CDH17: variants seen among roughly 807,000 people sequenced by gnomAD.
The protein encoded by CDH17 is cadherin 17.
Under a neutral mutation model 86.3 loss-of-function variants are expected in CDH17, and 67 were observed. The observed-to-expected ratio is 0.78, with a 90% confidence interval of 0.64 to 0.95. The LOEUF (loss-of-function observed/expected upper bound fraction) is 0.95, where lower values mean the gene tolerates loss of function less well. CDH17 is among the 40% of genes least tolerant of loss of function. The probability of loss-of-function intolerance (pLI) is 0.00; values close to 1 mark genes in which losing one functional copy is unlikely to be tolerated. For missense variants in CDH17, 993 were observed against 1,017.6 expected, an observed-to-expected ratio of 0.98 and a Z score of 0.33; for synonymous variants, 367 against 366.4, an observed-to-expected ratio of 1.00 and a Z score of -0.02.
Position 94,128,126 on chromosome 8 carries a change from A to G in CDH17, c.*114T>C. Reference sequence around the variant, plus strand: ...AATATTTAGCAAATATTAAAGGACAAGAGGGAATATCTGTTTAAAAAATTA... The same window carrying G: ...AATATTTAGCAAATATTAAAGGACAGGAGGGAATATCTGTTTAAAAAATTA... On this transcript the variant is annotated 3_prime_UTR_variant, in exon 18 of 18. Transcript: ENST00000027335. The G allele has an allele frequency of 1.4e-6, 1 of 700,774 alleles. No homozygotes were observed. 43.4% of individuals were successfully genotyped at this position (700,774 alleles called of 1,614,324 possible).
intron 10 of CDH17, among the ~76,000 whole-genome samples, chr8:94,164,993 C>T (rs1813125293): frequency 6.6e-6 from 1 of 152,218 alleles, no homozygotes; most frequent in South Asian, 2.1e-4. Flanking sequence ...AAACGGCCAA[C>T]TAGAAGCTGT....
intron 8 of CDH17, 93 bp downstream of exon 8, chr8:94,170,761 T>A: frequency 6.8e-7 from 1 of 1,474,404 alleles, no homozygotes; most frequent in Non-Finnish European, 9.1e-7. Flanking sequence ...TGTGTGTTTT[T>A]TTTTTCTTTA....
At chr8:94,156,140 A>T (rs961674694) in intron 12 of CDH17, among the ~76,000 whole-genome samples, 1 of 152,152 alleles carries the variant, frequency 6.6e-6, no homozygotes, top group African/African-American at 2.4e-5. Flanking sequence ...TGCTCATACC[A>T]CGATTCCTTT....
chr8:94,139,908 A>G (rs1480613741), intron 15 of CDH17, among the ~76,000 whole-genome samples: 1 of 151,810 alleles, frequency 6.6e-6, no homozygotes, highest in East Asian at 1.9e-4. Flanking sequence ...ATAAATAAAA[A>G]AAAAGGGGGG....
At chr8:94,155,125 G>A (rs758016539) in intron 12 of CDH17, among the ~76,000 whole-genome samples, 1 of 152,072 alleles carries the variant, frequency 6.6e-6, no homozygotes, top group Non-Finnish European at 1.5e-5. Flanking sequence ...ATGTAAGCCA[G>A]CTAAGTGTGA....
chr8:94,146,157 G>T lies in CDH17; in HGVS notation c.1938C>A (p.Ser646=). Residue 646 remains serine, a synonymous_variant, in exon 15 of 18, where the codon TCC becomes TCA. Transcript: ENST00000027335. The part of the protein sequence containing the change: ...QVVATEVGGS[S]LSSVSEFHLI... ...GGTGGAACTCTGACACAGAGCTCAA[G>T]GAAGACCCCCCTAAGGAATTGAATG... 6.4e-7 allele frequency: 1 copy of T among 1,551,950 alleles called. No individual in the cohort carries two copies. The highest frequency in any genetic ancestry group is 8.7e-7 in the Non-Finnish European group (1 of 1,149,642).
intron 1 of CDH17, among the ~76,000 whole-genome samples, chr8:94,203,479 G>A (rs2129646365): frequency 6.6e-6 from 1 of 152,256 alleles, no homozygotes. Flanking sequence ...ATATTGCTAA[G>A]AGCGGCATAA....
intron 1 of CDH17, among the ~76,000 whole-genome samples, chr8:94,214,633 GA>G (rs573435891): frequency 1.3e-5 from 2 of 148,372 alleles, no homozygotes; most frequent in Non-Finnish European, 3.0e-5. Context: ...AATAACAATA[GA>G]AAAAAAAACA....
chr8:94,194,952 T>G (rs1185244558), intron 1 of CDH17, among the ~76,000 whole-genome samples: 3 of 152,222 alleles, frequency 2.0e-5, no homozygotes, highest in Non-Finnish European at 4.4e-5. Flanking sequence ...ACTGCTTTGC[T>G]TTGTTATGAT....
intron 1 of CDH17, among the ~76,000 whole-genome samples, chr8:94,207,806 T>C (rs1814058400): frequency 6.6e-6 from 1 of 152,118 alleles, no homozygotes. Context: ...ACCAATAAGC[T>C]GTGTGTGGCT....
intron 3 of CDH17, among the ~76,000 whole-genome samples, chr8:94,185,316 CCT>C (rs1813559929): frequency 6.7e-6 from 1 of 150,178 alleles, no homozygotes; most frequent in Non-Finnish European, 1.5e-5. Context: ...CACACACACC[CCT>C]GTAAAGAAGA....
intron 1 of CDH17, among the ~76,000 whole-genome samples, chr8:94,216,068 C>T (rs2129685333): frequency 6.6e-6 from 1 of 152,268 alleles, no homozygotes; most frequent in East Asian, 1.9e-4. Flanking sequence ...AAACTTGACT[C>T]AACTGCCTGC....
chr8:94,208,327 G>A (rs966662326), intron 1 of CDH17, among the ~76,000 whole-genome samples, 156 bp downstream of exon 1: 1 of 152,122 alleles, frequency 6.6e-6, no homozygotes, highest in Non-Finnish European at 1.5e-5. Flanking sequence ...AGCAAAACTT[G>A]TCATGCCAGC....
chr8:94,164,634 G>A (rs976660825), intron 10 of CDH17, among the ~76,000 whole-genome samples: 1 of 152,150 alleles, frequency 6.6e-6, no homozygotes, highest in African/African-American at 2.4e-5. Flanking sequence ...CAATATCCCT[G>A]TAAAGGACAG....
chr8:94,185,310 CACA>C (rs1244177547), intron 3 of CDH17, among the ~76,000 whole-genome samples: 20 of 146,832 alleles, frequency 1.4e-4, no homozygotes, highest in African/African-American at 3.5e-4. Flanking sequence ...CACACACACA[CACA>C]CCCCTGTAAA....
At chr8:94,189,942 G>A (rs1206515373) in intron 2 of CDH17, among the ~76,000 whole-genome samples, 2 of 152,146 alleles carry the variant, frequency 1.3e-5, no homozygotes, top group South Asian at 2.1e-4. Flanking sequence ...TTTACTTTAA[G>A]CAGTAGCCCC....
chr8:94,189,326 T>C, intron 2 of CDH17, 41 bp from the exon 3 acceptor site: 5 of 1,406,604 alleles, frequency 3.6e-6, no homozygotes, highest in Non-Finnish European at 5.0e-6. Flanking sequence ...TTGTATGAAG[T>C]GTCTGTGTCA....
intron 1 of CDH17, among the ~76,000 whole-genome samples, chr8:94,199,064 TATATATATATATATA>T (rs1813846650): frequency 7.3e-5 from 2 of 27,494 alleles, no homozygotes; most frequent in Admixed American, 3.0e-4. Flanking sequence ...TATATATATA[TATATATATATATATA>T]TATATTTTTT....
intron 4 of CDH17, 69 bp downstream of exon 4, chr8:94,177,518 G>C: frequency 1.3e-6 from 2 of 1,524,856 alleles, no homozygotes; most frequent in Non-Finnish European, 1.8e-6. Flanking sequence ...GAAGGTGCCA[G>C]CCATACTTCC....
Sources: allele counts gnomAD v4.1 joint callset (sites outside exome capture counted in the v4.1 genomes callset), GRCh38; gene constraint gnomAD v4.1.1; transcripts MANE v1.5; gene names NCBI Gene and HGNC (gene_info 2026-07-23, HGNC 2026-07-21).